The following TNFRSF13B variants were observed in gnomAD, a reference collection of about 807,000 sequenced individuals.
TNFRSF13B encodes TNF receptor superfamily member 13B, also known as tumor necrosis factor receptor superfamily member 13B.
In TNFRSF13B, 34 loss-of-function variants were observed where a neutral mutation model predicts 24.0. That is an observed-to-expected ratio of 1.41 (90% CI 1.08 to 1.88). TNFRSF13B has a LOEUF of 1.88. Among genes scored for constraint, TNFRSF13B ranks in the 40% most tolerant of loss-of-function variants. The pLI is 0.00. For missense variants in TNFRSF13B, 415 were observed against 380.8 expected (o/e 1.09, Z -0.75); for synonymous variants, 173 against 150.3 (o/e 1.15, Z -1.10).
At chr17:16,961,687 A>C (rs1167960700) in intron 1 of TNFRSF13B, among the ~76,000 whole-genome samples, 1 of 152,236 alleles carries the variant, frequency 6.6e-6, no homozygotes, top group Non-Finnish European at 1.5e-5. Context: ...ACTTCATTGA[A>C]TATGTCATGA....
chr17:16,948,990 G>C lies in TNFRSF13B; in HGVS notation c.200-7C>G, dbSNP rs1229410555. 8.7e-6 allele frequency: 14 copies of C among 1,613,990 alleles called. No homozygotes were observed. The highest frequency in any genetic ancestry group is 9.3e-6 in the Non-Finnish European group (11 of 1,180,006). On this transcript the variant is annotated splice_region_variant and splice_polypyrimidine_tract_variant and intron_variant, in intron 2 of 4. Transcript: ENST00000261652. ...TTGCGGCAGCTGAGTGACCCTGGGA[G>C]AGAGAAATTCATGATACTGCTGGGT... is the stretch of plus-strand genomic sequence containing the variant.
intron 4 of TNFRSF13B, 34 bp downstream of exon 4, chr17:16,940,292 G>A (rs578008192): frequency 8.9e-5 from 143 of 1,612,050 alleles, no homozygotes; most frequent in Middle Eastern, 2.2e-4. Context: ...CCCAAGCAGC[G>A]AGAAGGGCGA....
At chr17:16,942,138 A>C (rs1315629389) in intron 3 of TNFRSF13B, among the ~76,000 whole-genome samples, 2 of 152,196 alleles carry the variant, frequency 1.3e-5, no homozygotes, top group Non-Finnish European at 2.9e-5. Context: ...GCTGGGTCAC[A>C]TAATAGCTCT....
At chr17:16,946,843 C>T (rs1453166650) in intron 3 of TNFRSF13B, among the ~76,000 whole-genome samples, 1 of 152,180 alleles carries the variant, frequency 6.6e-6, no homozygotes, top group African/African-American at 2.4e-5. Context: ...CTGCCTCTGC[C>T]TCCCAAAGTG....
chr17:16,940,607 C>T (rs1396415046), intron 3 of TNFRSF13B, 96 bp from the exon 4 acceptor site: 6 of 1,539,012 alleles, frequency 3.9e-6, no homozygotes, highest in South Asian at 1.2e-5. Flanking sequence ...CTGCTGTGAG[C>T]CTGTCTGGCT....
rs1356889540 is a variant in TNFRSF13B at position 16,939,620 on chromosome 17, G to T, written c.809C>A (p.Pro270His). ...GCCACTGTCTGGGATGTGTGGGCAA[G>T]GCTGCAGGACTGTGGTCCTGGTGTG... Reference protein sequence around the residue: ...GCHTRTTVLQPCPHIPDSGLG... With the variant: ...GCHTRTTVLQHCPHIPDSGLG... Residue 270 changes from proline (P) to histidine (H), a missense_variant, in exon 5 of 5, where the codon CCT becomes CAT. Physicochemically the swap from Pro to His is moderately conservative, Grantham distance 77. Coordinates refer to ENST00000261652, the MANE Select transcript of TNFRSF13B (RefSeq NM_012452.3). 1.9e-6 allele frequency: 3 copies of T among 1,613,610 alleles called. No homozygotes were observed. Among genetic ancestry groups the T allele is most frequent in the East Asian group, 4.5e-5 (2 of 44,872 alleles).
Position 16,952,542 on chromosome 17 carries a change from G to A in TNFRSF13B, c.103C>T (p.Pro35Ser). ...AGAGGATCCCAGTACTGCTCTTCGG[G>A]GCAGGATCTCATAGCCACCCCCGTC... ...LWTGVAMRSC[P>S]EEQYWDPLLG... is the part of the protein sequence containing the mutation. The change falls in exon 2 of 5, where the codon CCC becomes TCC. Residue 35 changes from proline to serine, a missense_variant. Coordinates refer to ENST00000261652, the MANE Select transcript of TNFRSF13B (RefSeq NM_012452.3). The A allele has an allele frequency of 6.2e-7, 1 of 1,614,178 alleles. No homozygotes were observed. Among genetic ancestry groups the A allele is most frequent in the Non-Finnish European group, 8.5e-7 (1 of 1,180,022 alleles).
At chr17:16,959,721 T>C (rs2087648770) in intron 1 of TNFRSF13B, among the ~76,000 whole-genome samples, 1 of 152,040 alleles carries the variant, frequency 6.6e-6, no homozygotes, top group Admixed American at 6.6e-5. Flanking sequence ...ACAAATTGGA[T>C]AACCTAGATA....
At chr17:16,966,731 C>T (rs1295045746) in intron 1 of TNFRSF13B, among the ~76,000 whole-genome samples, 3 of 151,120 alleles carry the variant, frequency 2.0e-5, no homozygotes, top group South Asian at 2.1e-4. Context: ...AAATTTATCC[C>T]GAAGTGTGAA....
chr17:16,958,944 A>G (rs1440740850), intron 1 of TNFRSF13B, among the ~76,000 whole-genome samples: 1 of 152,072 alleles, frequency 6.6e-6, no homozygotes, highest in East Asian at 1.9e-4. Context: ...GGACATCAAG[A>G]ACACTATAAA....
At chr17:16,939,972 G>C in intron 4 of TNFRSF13B, 175 bp from the exon 5 acceptor site, 1 of 1,036,366 alleles carries the variant, frequency 9.6e-7, no homozygotes, top group Non-Finnish European at 1.4e-6. Flanking sequence ...CTGTGCCGGG[G>C]CAGGGGTGGG....
chr17:16,947,141 G>C (rs1433480044), intron 3 of TNFRSF13B, among the ~76,000 whole-genome samples: 2 of 151,986 alleles, frequency 1.3e-5, no homozygotes, highest in Admixed American at 6.6e-5. Context: ...ACCAAAACCT[G>C]GCAAAGACAC....
intron 1 of TNFRSF13B, among the ~76,000 whole-genome samples, chr17:16,954,686 G>A (rs1285762785): frequency 6.6e-6 from 1 of 152,220 alleles, no homozygotes; most frequent in Non-Finnish European, 1.5e-5. Context: ...GAGGCACCAC[G>A]TATCTCTGAC....
At chr17:16,949,135 A>T (rs1393027237) in intron 2 of TNFRSF13B, 152 bp from the exon 3 acceptor site, 1 of 953,272 alleles carries the variant, frequency 1.0e-6, no homozygotes, top group African/African-American at 1.6e-5. Context: ...CAATATACAC[A>T]TTGAAGACTA....
At chr17:16,970,224 TGAGA>T (rs2087734212) in intron 1 of TNFRSF13B, among the ~76,000 whole-genome samples, 1 of 152,034 alleles carries the variant, frequency 6.6e-6, no homozygotes, top group African/African-American at 2.4e-5. Context: ...AATAGAAGCT[TGAGA>T]GAGAAGCTTC....
intron 1 of TNFRSF13B, among the ~76,000 whole-genome samples, chr17:16,955,925 A>C (rs1270265192): frequency 1.3e-5 from 2 of 152,190 alleles, no homozygotes; most frequent in Non-Finnish European, 2.9e-5. Flanking sequence ...AGCAAGAAGG[A>C]CCCTTGTCCG....
intron 1 of TNFRSF13B, among the ~76,000 whole-genome samples, chr17:16,956,121 T>C (rs1431826832): frequency 2.0e-5 from 3 of 152,350 alleles, no homozygotes; most frequent in South Asian, 4.1e-4. Context: ...ACTGGTTGAC[T>C]GCAGAGATAA....
At chr17:16,951,275 GC>G (rs2087586712) in intron 2 of TNFRSF13B, among the ~76,000 whole-genome samples, 1 of 152,194 alleles carries the variant, frequency 6.6e-6, no homozygotes. Context: ...CAGGCACTGT[GC>G]TAGGCTCAAG....
intron 1 of TNFRSF13B, among the ~76,000 whole-genome samples, chr17:16,957,756 A>G (rs35614113): frequency 0.037 from 5,559 of 152,078 alleles, 130 homozygotes; most frequent in South Asian, 0.11. Context: ...ATAATTTTAA[A>G]TCACCTTTCA....
Sources: allele counts gnomAD v4.1 joint callset (sites outside exome capture counted in the v4.1 genomes callset), GRCh38; gene constraint gnomAD v4.1.1; transcripts MANE v1.5; gene names NCBI Gene and HGNC (gene_info 2026-07-23, HGNC 2026-07-21).